The following PIP4K2A variants were observed in gnomAD, a reference collection of about 807,000 sequenced individuals.
PIP4K2A encodes the protein phosphatidylinositol-5-phosphate 4-kinase type 2 alpha.
Under a neutral mutation model 42.9 loss-of-function variants are expected in PIP4K2A, and 14 were observed. The observed-to-expected ratio is 0.33, with a 90% CI of 0.22 to 0.51. PIP4K2A has a LOEUF of 0.51. PIP4K2A is among the 20% of genes least tolerant of loss of function. PIP4K2A has a pLI of 0.97. For missense variants in PIP4K2A, 434 were observed against 519.8 expected (o/e 0.83, Z 1.61); for synonymous variants, 192 against 192.2 (o/e 1.00, Z 0.01).
At chr10:22,576,301 T>G (rs1337396721) in intron 4 of PIP4K2A, among the ~76,000 whole-genome samples, 2 of 152,214 alleles carry the variant, frequency 1.3e-5, no homozygotes, top group Non-Finnish European at 2.9e-5. Context: ...ACCTCTGTTC[T>G]CTAGCACGAT....
At chr10:22,592,269 T>C (rs1166647623) in intron 3 of PIP4K2A, among the ~76,000 whole-genome samples, 1 of 152,102 alleles carries the variant, frequency 6.6e-6, no homozygotes, top group Non-Finnish European at 1.5e-5. Flanking sequence ...GATGAGGAGA[T>C]GGGAATAAGA....
At chr10:22,541,501 G>A (rs867102519) in intron 8 of PIP4K2A, among the ~76,000 whole-genome samples, 16 of 152,224 alleles carry the variant, frequency 1.1e-4, no homozygotes, top group South Asian at 4.1e-4. Flanking sequence ...GTGTGTGCAC[G>A]TACGTTGTAT....
intron 7 of PIP4K2A, among the ~76,000 whole-genome samples, chr10:22,545,460 GC>G (rs1330223901): frequency 6.6e-6 from 1 of 152,224 alleles, no homozygotes; most frequent in Non-Finnish European, 1.5e-5. Context: ...CCAGGGCCCA[GC>G]CTCCCCTGGC....
At chr10:22,542,594 C>T (rs896917656) in intron 7 of PIP4K2A, among the ~76,000 whole-genome samples, 13 of 152,202 alleles carry the variant, frequency 8.5e-5, no homozygotes, top group Non-Finnish European at 1.5e-4. Flanking sequence ...CAACAAGGTG[C>T]TTTCCACGTG....
intron 1 of PIP4K2A, among the ~76,000 whole-genome samples, chr10:22,672,503 G>T (rs1839475318): frequency 6.6e-6 from 1 of 152,164 alleles, no homozygotes; most frequent in Admixed American, 6.5e-5. Context: ...TACAATACTT[G>T]AATGTCACAG....
At chr10:22,651,221 T>A (rs1214664846) in intron 1 of PIP4K2A, among the ~76,000 whole-genome samples, 1 of 152,174 alleles carries the variant, frequency 6.6e-6, no homozygotes, top group Non-Finnish European at 1.5e-5. Context: ...AGCAGACCCT[T>A]AACTGGTCTC....
Position 22,563,798 on chromosome 10 carries a change from C to T in PIP4K2A, c.678+4053G>A, listed in dbSNP as rs970399020. 2.6e-5 allele frequency among the ~76,000 whole-genome samples: 4 copies of T among 152,142 alleles called. 1 individual carries two copies. The South Asian group carries it at 6.2e-4, about 24-fold the overall frequency. On this transcript the variant is annotated intron_variant, in intron 6 of 9. Transcript: ENST00000376573. ...AACTTCATCCACTCAAAGTAAGTAACGACAGCACCAATCTCATCTGGTGAC... is the reference window on the plus strand; with the variant it reads ...AACTTCATCCACTCAAAGTAAGTAATGACAGCACCAATCTCATCTGGTGAC...
chr10:22,598,642 C>T (rs1837684080), intron 3 of PIP4K2A, among the ~76,000 whole-genome samples: 1 of 152,270 alleles, frequency 6.6e-6, no homozygotes, highest in East Asian at 1.9e-4. Flanking sequence ...CAGGGTGATC[C>T]ATCTCAACAG....
At chr10:22,575,078 T>C (rs1837078108) in intron 4 of PIP4K2A, among the ~76,000 whole-genome samples, 1 of 152,170 alleles carries the variant, frequency 6.6e-6, no homozygotes, top group Non-Finnish European at 1.5e-5. Context: ...CAGTTTAGCT[T>C]CATTTTCCAG....
intron 1 of PIP4K2A, among the ~76,000 whole-genome samples, chr10:22,631,457 C>G (rs1459985163): frequency 1.3e-5 from 2 of 152,148 alleles, no homozygotes; most frequent in African/African-American, 4.8e-5. Context: ...ATCTGCAGGC[C>G]AGAAAGAGAC....
At chr10:22,615,164 G>A (rs1450227111) in intron 1 of PIP4K2A, among the ~76,000 whole-genome samples, 1 of 152,052 alleles carries the variant, frequency 6.6e-6, no homozygotes, top group African/African-American at 2.4e-5. Flanking sequence ...TGGAGTGCAG[G>A]GGCATGATCA....
At chr10:22,704,498 G>T (rs1033742071) in intron 1 of PIP4K2A, among the ~76,000 whole-genome samples, 3 of 151,934 alleles carry the variant, frequency 2.0e-5, no homozygotes, top group Admixed American at 2.0e-4. Context: ...CTCCTGCTAT[G>T]AAAAGGAACA....
chr10:22,563,834 T>G (rs1335541519), intron 6 of PIP4K2A, among the ~76,000 whole-genome samples: 1 of 152,206 alleles, frequency 6.6e-6, no homozygotes, highest in Admixed American at 6.5e-5. Flanking sequence ...TGTTAAGGAT[T>G]ACATGACATA....
intron 1 of PIP4K2A, among the ~76,000 whole-genome samples, chr10:22,647,418 AGAG>A (rs1320361876): frequency 1.3e-5 from 2 of 152,134 alleles, no homozygotes; most frequent in Non-Finnish European, 2.9e-5. Context: ...TTGTGGGACC[AGAG>A]GAGGAGGCAG....
rs762086637 is a variant in PIP4K2A, at chr10:22,539,920, A to AGAGG, written c.1140+50_1140+51insCCTC. On this transcript the variant is annotated intron_variant, in intron 9 of 9. Transcript: ENST00000376573. ...GAGAGAGAGAGAGAGAGGGAGAGAG[A>AGAGG]GAGAGAGAGAGGGAGAGAAAGAGAG... 1.2e-3 allele frequency: 1,178 copies of AGAGG among 969,900 alleles called. 9 individuals carry two copies. The African/African-American group carries it at 0.017, about 14-fold the overall frequency. 60.1% of individuals were successfully genotyped at this position (969,900 alleles called of 1,614,324 possible). A position where few individuals can be genotyped will look rare whatever the true frequency, so the allele number is the denominator to read the frequency against.
At chr10:22,621,896 A>G (rs978779766) in intron 1 of PIP4K2A, among the ~76,000 whole-genome samples, 3 of 152,210 alleles carry the variant, frequency 2.0e-5, no homozygotes, top group African/African-American at 7.2e-5. Flanking sequence ...CATGACCACA[A>G]CAGAGGGGCC....
intron 1 of PIP4K2A, among the ~76,000 whole-genome samples, chr10:22,707,701 T>TA: frequency 6.6e-6 from 1 of 152,250 alleles, no homozygotes; most frequent in Middle Eastern, 3.4e-3. Flanking sequence ...CCCAGGCGGG[T>TA]AATCAATTCA....
At chr10:22,601,494 C>G (rs1215518340) in intron 3 of PIP4K2A, among the ~76,000 whole-genome samples, 1 of 152,162 alleles carries the variant, frequency 6.6e-6, no homozygotes, top group East Asian at 1.9e-4. Context: ...TGGGTCTCAG[C>G]CTCAGTGCGT....
chr10:22,588,871 A>T (rs117040952), intron 4 of PIP4K2A, among the ~76,000 whole-genome samples: 293 of 152,376 alleles, frequency 1.9e-3, no homozygotes, highest in Middle Eastern at 3.4e-3. Context: ...CTGAATAAAG[A>T]ACTCACCAAT....
Sources: allele counts gnomAD v4.1 joint callset (sites outside exome capture counted in the v4.1 genomes callset), GRCh38; gene constraint gnomAD v4.1.1; transcripts MANE v1.5; gene names NCBI Gene and HGNC (gene_info 2026-07-23, HGNC 2026-07-21).